The following P3H2 variants were observed in gnomAD, a reference collection of about 807,000 sequenced individuals.
P3H2 encodes prolyl 3-hydroxylase 2.
A neutral mutation model predicts 87.0 loss-of-function variants in P3H2; 80 were observed. The observed-to-expected ratio is 0.92, with a 90% CI of 0.77 to 1.11. The LOEUF is 1.11. Ranked by LOEUF, P3H2 falls within the 50% of genes least tolerant of loss-of-function variation. The pLI is 0.00. For synonymous variants in P3H2, 367 were observed against 359.3 expected (o/e 1.02, Z -0.24); for missense variants, 1,001 against 923.9 (o/e 1.08, Z -1.08).
In P3H2 at chr3:189,972,950, A is replaced by C. The variant is rs1467167293; in HGVS notation, c.1623T>G (p.Ile541Met). Residue 541 changes from isoleucine (I) to methionine (M), a missense_variant, in exon 11 of 15, where the codon ATT becomes ATG. Transcript: ENST00000319332. ...AGTTCAGCATAAAATAAGATTCTAC[A>C]ATCCTTCGAGCCTTTTCGCTGATGT... ...FYDISEKARR[I>M]VESYFMLNST... The C allele has an allele frequency of 3.7e-6, 6 of 1,613,948 alleles. No homozygotes were observed. In the African/African-American group the frequency reaches 8.0e-5, roughly 22 times the overall value.
intron 13 of P3H2, among the ~76,000 whole-genome samples, chr3:189,966,464 G>C (rs187622210): frequency 1.3e-3 from 194 of 152,342 alleles, no homozygotes; most frequent in African/African-American, 4.6e-3. Context: ...GGTTGGAACT[G>C]ATTATAGCCG....
At chr3:189,974,462 G>C in intron 9 of P3H2, 96 bp downstream of exon 9, 1 of 1,496,966 alleles carries the variant, frequency 6.7e-7, no homozygotes, top group Non-Finnish European at 9.2e-7. Flanking sequence ...ATATTTCAGG[G>C]CTTGTTGTCT....
rs1460945594 is a variant in P3H2 at position 189,978,932 on chromosome 3, C to T, written c.1324+4114G>A. ...TAGTCAAACAAGTTAATTCTTCCCT[C>T]GTTTATAAAGTATGTGCCTGGCTCT... On this transcript the variant is annotated intron_variant, in intron 8 of 14. Transcript: ENST00000319332. 2.0e-5 allele frequency among the ~76,000 whole-genome samples: 3 copies of T among 152,272 alleles called. No homozygotes were observed. The East Asian group carries it at 5.8e-4, about 29-fold the overall frequency.
chr3:190,093,750 T>C (rs913784413), intron 1 of P3H2, among the ~76,000 whole-genome samples: 1 of 152,256 alleles, frequency 6.6e-6, no homozygotes, highest in Non-Finnish European at 1.5e-5. Context: ...TTTAACATTG[T>C]TGTCAAAATG....
chr3:190,012,207 G>GGTGTGTGTGTGTGTTT (rs1724612551), intron 1 of P3H2, among the ~76,000 whole-genome samples: 1 of 145,588 alleles, frequency 6.9e-6, no homozygotes, highest in African/African-American at 2.6e-5. Context: ...TGTAGGTAAA[G>GGTGTGTGTGTGTGTTT]GTGTGTGTGT....
At chr3:190,081,994 C>T (rs926531589) in intron 1 of P3H2, among the ~76,000 whole-genome samples, 1 of 152,198 alleles carries the variant, frequency 6.6e-6, no homozygotes, top group Non-Finnish European at 1.5e-5. Context: ...TGGGTCACGC[C>T]TGTAATCCTA....
intron 7 of P3H2, 104 bp downstream of exon 7, chr3:189,984,446 T>C: frequency 1.1e-6 from 1 of 890,560 alleles, no homozygotes; most frequent in Non-Finnish European, 1.9e-6. Context: ...ATTATTTTAT[T>C]ATATCTCCTT....
Position 190,072,278 on chromosome 3 carries a change from C to T in P3H2, c.480+47974G>A, listed in dbSNP as rs185326497. The stretch of plus-strand genomic sequence containing the variant: ...CTGACCTTAGGTGATCTGCCCACCT[C>T]GGCCTCCCAAAGTACTGGAATTACA... On this transcript the variant is annotated intron_variant, in intron 1 of 14. Transcript: ENST00000319332. Among the ~76,000 whole-genome samples, 386 of 152,184 alleles carry T rather than the reference C, an allele frequency of 2.5e-3. 3 individuals carry two copies. The highest frequency in any genetic ancestry group is 8.6e-3 in the African/African-American group (355 of 41,514).
chr3:190,027,343 C>T (rs3099617), intron 1 of P3H2, among the ~76,000 whole-genome samples: 115,495 of 152,074 alleles, frequency 0.76, 44,244 homozygotes, highest in East Asian at 0.93. Flanking sequence ...GTTCTATCCA[C>T]AAGGGCAAGA....
intron 1 of P3H2, among the ~76,000 whole-genome samples, chr3:190,051,745 G>A (rs929737885): frequency 2.6e-5 from 4 of 152,206 alleles, no homozygotes; most frequent in Non-Finnish European, 5.9e-5. Flanking sequence ...CCAGGTTTCA[G>A]CCCACAGTGA....
chr3:190,104,222 A>G (rs1711743889), intron 1 of P3H2, among the ~76,000 whole-genome samples: 3 of 152,200 alleles, frequency 2.0e-5, no homozygotes, highest in Admixed American at 6.5e-5. Context: ...TCTCTAGTCA[A>G]AGGATTAGGC....
At chr3:189,989,388 G>T (rs1473003268) in intron 3 of P3H2, among the ~76,000 whole-genome samples, 1 of 152,062 alleles carries the variant, frequency 6.6e-6, no homozygotes, top group Non-Finnish European at 1.5e-5. Context: ...CAACTTTGGG[G>T]TCTCTCTTTG....
intron 4 of P3H2, 87 bp from the exon 5 acceptor site, chr3:189,987,756 G>T: frequency 6.8e-7 from 1 of 1,466,008 alleles, no homozygotes. Flanking sequence ...GTCTACAAAG[G>T]TCAGCATTAA....
chr3:189,967,024 C>T lies in P3H2; in HGVS notation c.1894-2926G>A, dbSNP rs114029006. Among the ~76,000 whole-genome samples, 367 of 152,192 alleles carry T rather than the reference C, an allele frequency of 2.4e-3. 4 individuals carry two copies. The highest frequency in any genetic ancestry group is 8.4e-3 in the African/African-American group (349 of 41,512). On this transcript the variant is annotated intron_variant, in intron 13 of 14. Transcript: ENST00000319332. ...ATGCCATTTCTCTGCTCCATTTGTC[C>T]CTCCACAGTCAAAGGGAAACTAAAA...
chr3:190,048,412 G>A (rs1010258855), intron 1 of P3H2, among the ~76,000 whole-genome samples: 16 of 152,192 alleles, frequency 1.1e-4, no homozygotes, highest in African/African-American at 3.6e-4. Flanking sequence ...CATGAGAATC[G>A]CTTGAACCCG....
chr3:190,103,797 T>G (rs1711726189), intron 1 of P3H2, among the ~76,000 whole-genome samples: 1 of 152,058 alleles, frequency 6.6e-6, no homozygotes, highest in African/African-American at 2.4e-5. Flanking sequence ...AGTTTTTCAG[T>G]AGCTTTTTTT....
At chr3:190,064,182 A>C (rs1045557746) in intron 1 of P3H2, among the ~76,000 whole-genome samples, 2 of 150,436 alleles carry the variant, frequency 1.3e-5, no homozygotes, top group South Asian at 2.1e-4. Context: ...TTTTTAGTGG[A>C]GAACAGGCCT....
At chr3:189,994,868 C>G (rs560474299) in intron 2 of P3H2, among the ~76,000 whole-genome samples, 2 of 151,798 alleles carry the variant, frequency 1.3e-5, no homozygotes, top group Non-Finnish European at 2.9e-5. Context: ...ATGGGCAAAC[C>G]ACTGGACTGG....
At chr3:190,046,732 TA>T (rs1226783874) in intron 1 of P3H2, among the ~76,000 whole-genome samples, 1 of 152,208 alleles carries the variant, frequency 6.6e-6, no homozygotes, top group Non-Finnish European at 1.5e-5. Flanking sequence ...TTAAACTAAC[TA>T]AATGCCCAAT....
Sources: gnomAD v4.1 joint callset for allele counts (sites outside exome capture counted in the v4.1 genomes callset) on GRCh38, gnomAD v4.1.1 for gene constraint, MANE v1.5 for transcripts, NCBI Gene and HGNC (gene_info 2026-07-23, HGNC 2026-07-21) for gene names.